The following TTLL5 variants were observed in gnomAD, a reference collection of about 807,000 sequenced individuals.
TTLL5 encodes tubulin polyglutamylase TTLL5.
TTLL5 carries 132 observed loss-of-function variants against 168.4 expected under a neutral mutation model. The ratio of observed to expected loss-of-function variants is 0.78; its 90% CI spans 0.68 to 0.91. TTLL5 has a LOEUF of 0.91. TTLL5 is among the 40% of genes least tolerant of loss of function. The pLI is 0.00. For missense variants in TTLL5, 1,545 were observed against 1,581.5 expected, an observed-to-expected ratio of 0.98 and a Z score of 0.39; for synonymous variants, 546 against 558.6, an observed-to-expected ratio of 0.98 and a Z score of 0.32.
intron 27 of TTLL5, among the ~76,000 whole-genome samples, chr14:75,806,139 T>C (rs1406226283): frequency 6.6e-6 from 1 of 151,952 alleles, no homozygotes; most frequent in African/African-American, 2.4e-5. Flanking sequence ...CAAGTGATTC[T>C]CCTGCCTCAG....
At position 75,831,153 on chromosome 14, in the gene TTLL5, C is replaced by T. The variant is rs542191228; in HGVS notation, c.3326+10992C>T. 5.9e-5 allele frequency among the ~76,000 whole-genome samples: 9 copies of T among 152,304 alleles called. No homozygotes were observed. In the South Asian group the frequency reaches 1.9e-3, roughly 32 times the overall value. ...GTTGACCCAGAAGATGTAATAAAGA[C>T]TCAAACTTGGTTAGTGAAATAAAAA... is the stretch of plus-strand genomic sequence containing the variant. On this transcript the variant is annotated intron_variant, in intron 28 of 31. Transcript: ENST00000298832.
chr14:75,925,832 C>T (rs1251554282), intron 31 of TTLL5, among the ~76,000 whole-genome samples: 2 of 152,132 alleles, frequency 1.3e-5, no homozygotes, highest in South Asian at 2.1e-4. Context: ...GCGGATCACT[C>T]GCGGTTAGGA....
intron 27 of TTLL5, among the ~76,000 whole-genome samples, chr14:75,819,761 C>T (rs1894724548): frequency 6.6e-6 from 1 of 152,200 alleles, no homozygotes; most frequent in South Asian, 2.1e-4. Context: ...AGACCCGGCA[C>T]AGTCCAGTGC....
At chr14:75,766,940 G>A (rs1369244960) in intron 20 of TTLL5, among the ~76,000 whole-genome samples, 1 of 152,076 alleles carries the variant, frequency 6.6e-6, no homozygotes, top group Non-Finnish European at 1.5e-5. Context: ...GAGGTGGTCG[G>A]ATCACCTAAG....
chr14:75,732,001 T>C (rs1484740579), intron 12 of TTLL5, among the ~76,000 whole-genome samples: 2 of 135,544 alleles, frequency 1.5e-5, no homozygotes, highest in Non-Finnish European at 3.2e-5. Flanking sequence ...TCCCCGCCTC[T>C]TTTTTTTTTT....
At chr14:75,737,812 C>T (rs1021897439) in intron 15 of TTLL5, among the ~76,000 whole-genome samples, 1 of 152,104 alleles carries the variant, frequency 6.6e-6, no homozygotes, top group Non-Finnish European at 1.5e-5. Context: ...CTTAGGGATC[C>T]TCTTTTCCTG....
intron 31 of TTLL5, among the ~76,000 whole-genome samples, chr14:75,924,637 AT>A (rs1026850691): frequency 6.6e-6 from 1 of 151,674 alleles, no homozygotes. Context: ...AGGCAGAAGA[AT>A]TTTTTTTGGT....
intron 31 of TTLL5, among the ~76,000 whole-genome samples, chr14:75,908,307 G>T (rs1399091866): frequency 6.6e-6 from 1 of 152,258 alleles, no homozygotes; most frequent in Admixed American, 6.5e-5. Context: ...GCATGTGGCC[G>T]ATGGCAGTGG....
At chr14:75,736,214 C>T (rs958658963) in intron 15 of TTLL5, among the ~76,000 whole-genome samples, 1 of 152,030 alleles carries the variant, frequency 6.6e-6, no homozygotes. Flanking sequence ...CCCATTTTCT[C>T]TTTCCTTTTC....
At chr14:75,702,702 T>C (rs1202177314) in intron 7 of TTLL5, among the ~76,000 whole-genome samples, 1 of 152,064 alleles carries the variant, frequency 6.6e-6, no homozygotes, top group Non-Finnish European at 1.5e-5. Context: ...GTAAGAGTCT[T>C]TTTCTCCCTC....
Position 75,776,747 on chromosome 14 carries a change from G to A in TTLL5, c.2284G>A (p.Glu762Lys), listed in dbSNP as rs1413028207. 1.2e-6 allele frequency: 2 copies of A among 1,613,106 alleles called. No homozygotes were observed. The highest frequency in any genetic ancestry group is 2.7e-5 in the African/African-American group (2 of 74,876). The change falls in exon 23 of 32, where the codon GAA (glutamate) becomes AAA (lysine). Residue 762 changes from glutamate to lysine, a missense_variant and splice_region_variant. By Grantham distance (56) the Glu-to-Lys change is moderately conservative. Transcript: ENST00000298832. The part of the protein sequence containing the change: ...LGDFIIVYNK[E>K]TEQMAEKKSK... ...TCTGTGGGGTTTGGGCACTGGGTAG[G>A]AAACAGAACAAATGGCTGAAAAGAA... is the stretch of plus-strand genomic sequence containing the variant.
intron 28 of TTLL5, among the ~76,000 whole-genome samples, chr14:75,832,525 CA>C (rs1430111838): frequency 6.6e-6 from 1 of 152,166 alleles, no homozygotes; most frequent in Non-Finnish European, 1.5e-5. Context: ...TGACTTGGGG[CA>C]AATCATTTGA....
intron 6 of TTLL5, among the ~76,000 whole-genome samples, chr14:75,696,835 G>T (rs781124827): frequency 1.3e-5 from 2 of 152,092 alleles, no homozygotes; most frequent in African/African-American, 4.8e-5. Flanking sequence ...AACATACATT[G>T]CCCTGCACTT....
At chr14:75,748,490 G>A (rs1020930033) in intron 17 of TTLL5, among the ~76,000 whole-genome samples, 1 of 152,092 alleles carries the variant, frequency 6.6e-6, no homozygotes. Context: ...GGACAGCTGT[G>A]GTGCAGATAT....
chr14:75,843,196 C>G (rs1896350773), intron 28 of TTLL5, among the ~76,000 whole-genome samples: 1 of 152,206 alleles, frequency 6.6e-6, no homozygotes, highest in Non-Finnish European at 1.5e-5. Context: ...TGAAAACCCT[C>G]TAGTCTGAAG....
chr14:75,941,219 C>T (rs994528508), intron 31 of TTLL5, among the ~76,000 whole-genome samples: 5 of 152,196 alleles, frequency 3.3e-5, no homozygotes, highest in African/African-American at 9.7e-5. Context: ...CAGCTGTGCC[C>T]GGCGCCTTTG....
chr14:75,923,986 T>C (rs949508412), intron 31 of TTLL5, among the ~76,000 whole-genome samples: 2 of 152,142 alleles, frequency 1.3e-5, no homozygotes, highest in Non-Finnish European at 2.9e-5. Flanking sequence ...CTTTTGATCT[T>C]TATTGGTTTA....
At chr14:75,921,151 A>G (rs181361202) in intron 31 of TTLL5, among the ~76,000 whole-genome samples, 1 of 152,292 alleles carries the variant, frequency 6.6e-6, no homozygotes, top group Admixed American at 6.5e-5. Flanking sequence ...GTAGATTGCA[A>G]AAATTTTCTC....
intron 12 of TTLL5, 25 bp downstream of exon 12, chr14:75,720,728 A>G: frequency 1.3e-6 from 2 of 1,589,470 alleles, no homozygotes; most frequent in Non-Finnish European, 1.7e-6. Context: ...GAAGCTTAAC[A>G]TGTTTTGTGA....
Sources: allele counts gnomAD v4.1 joint callset (sites outside exome capture counted in the v4.1 genomes callset), GRCh38; gene constraint gnomAD v4.1.1; transcripts MANE v1.5; gene names NCBI Gene and HGNC (gene_info 2026-07-23, HGNC 2026-07-21).